The following USP26 variants were observed in gnomAD, a reference collection of about 807,000 sequenced individuals.
USP26 encodes the protein ubiquitin carboxyl-terminal hydrolase 26.
For missense variants in USP26, 649 were observed against 642.3 expected (o/e 1.01, Z -0.11); for synonymous variants, 236 against 240.6 (o/e 0.98, Z 0.18).
rs1198872172 is a variant in USP26 at position 133,057,844 on chromosome X, T to TTATATATATATATATATA, written c.-77+25845_-77+25862dup. On this transcript the variant is annotated intron_variant, in intron 5 of 5. Coordinates refer to ENST00000511190, the MANE Select transcript of USP26 (RefSeq NM_031907.3). The stretch of plus-strand genomic sequence containing the variant: ...TTGGGGTCTGAGAATATACTTTACA[T>TTATATATATATATATATA]TATATATATATATATATATATATTT... Among the ~76,000 whole-genome samples, 74 of 30,648 alleles carry TTATATATATATATATATA rather than the reference T, an allele frequency of 2.4e-3. 2 individuals are homozygous for TTATATATATATATATATA. The highest frequency in any genetic ancestry group is 4.0e-3 in the African/African-American group (15 of 3,723). 26.6% of individuals were successfully genotyped at this position (30,648 alleles called of 115,157 possible).
intron 5 of USP26, among the ~76,000 whole-genome samples, chrX:133,038,305 A>G (rs1226957369): frequency 9.0e-6 from 1 of 111,461 alleles, no homozygotes; most frequent in African/African-American, 3.3e-5. Flanking sequence ...TGGGTTTGTC[A>G]ATAAATAGCT....
chrX:133,077,536 A>C (rs1200035470), intron 5 of USP26, among the ~76,000 whole-genome samples: 1 of 112,196 alleles, frequency 8.9e-6, no homozygotes, highest in Non-Finnish European at 1.9e-5. Flanking sequence ...ACTACAAAGA[A>C]GGCAAAAAGC....
chrX:133,077,474 C>T (rs1379880581), intron 5 of USP26, among the ~76,000 whole-genome samples: 1 of 111,708 alleles, frequency 9.0e-6, no homozygotes, highest in South Asian at 3.8e-4. Context: ...AGCAATAGGA[C>T]CAGAATGGAA....
At chrX:133,050,105 T>C (rs2067453958) in intron 5 of USP26, among the ~76,000 whole-genome samples, 1 of 112,355 alleles carries the variant, frequency 8.9e-6, no homozygotes, top group Admixed American at 9.5e-5. Context: ...TTTGTCCCCC[T>C]CACCATCACC....
At chrX:133,064,725 G>A (rs2067505452) in intron 5 of USP26, among the ~76,000 whole-genome samples, 1 of 111,639 alleles carries the variant, frequency 9.0e-6, no homozygotes, top group African/African-American at 3.3e-5. Context: ...CAGCTACTAA[G>A]CAGTATTAAG....
intron 5 of USP26, among the ~76,000 whole-genome samples, chrX:133,052,483 T>G (rs995236111): frequency 8.9e-6 from 1 of 112,642 alleles, no homozygotes; most frequent in Non-Finnish European, 1.9e-5. Context: ...AATTGGATTT[T>G]TATTCCTATT....
At chrX:133,029,359 A>G (rs1175186143) in intron 5 of USP26, among the ~76,000 whole-genome samples, 2 of 112,595 alleles carry the variant, frequency 1.8e-5, no homozygotes, top group Non-Finnish European at 1.9e-5. Flanking sequence ...ACATAAATTA[A>G]TGAGATTTTT....
intron 1 of USP26, among the ~76,000 whole-genome samples, chrX:133,092,679 C>T (rs1005926144): frequency 9.0e-6 from 1 of 111,627 alleles, no homozygotes; most frequent in African/African-American, 3.3e-5. Context: ...GGCCTAATAC[C>T]TGGATCTAAA....
chrX:133,074,157 G>C, intron 5 of USP26, among the ~76,000 whole-genome samples: 1 of 111,911 alleles, frequency 8.9e-6, no homozygotes, highest in Non-Finnish European at 1.9e-5. Context: ...GAAACATTGG[G>C]AAGTGATCCC....
chrX:133,048,794 C>T (rs1466362795), intron 5 of USP26, among the ~76,000 whole-genome samples: 1 of 111,637 alleles, frequency 9.0e-6, no homozygotes, highest in Non-Finnish European at 1.9e-5. Flanking sequence ...GATCTGCCCG[C>T]CTTGGCCTCC....
rs772635469 is a variant in USP26, at chrX:133,025,755, A to G, written c.2466T>C (p.His822=). 1 of 1,209,424 alleles carries G rather than the reference A, an allele frequency of 8.3e-7. No individual in the cohort carries two copies. The highest frequency in any genetic ancestry group is 1.8e-5 in the South Asian group (1 of 56,943). The change falls in exon 6 of 6, where the codon CAT becomes CAC. Residue 822 remains histidine, a synonymous_variant. Transcript: ENST00000511190. ...ETKRNDDKGD[H]TYRLISVVSH... ...TGACAACACTAATGAGCCGGTAGGT[A>G]TGATCTCCCTTATCATCATTTCTTT...
At position 133,027,290 on chromosome X, in the gene USP26, G is replaced by GT; in HGVS notation, c.930dup (p.Gln311ThrfsTer11). 1 of 1,211,290 alleles carries GT rather than the reference G, an allele frequency of 8.3e-7. No homozygotes were observed. The highest frequency in any genetic ancestry group is 1.1e-6 in the Non-Finnish European group (1 of 894,998). On this transcript the variant is annotated frameshift_variant, in exon 6 of 6. Transcript: ENST00000511190. LOFTEE classifies it low-confidence loss of function (END_TRUNC). The stretch of plus-strand genomic sequence containing the variant: ...AACGATGGGATTGAAAGTAGAGACT[G>GT]TAACACTGCATTCATATAACAGGTG...
chrX:133,093,638 GA>G (rs11327415), intron 1 of USP26, among the ~76,000 whole-genome samples: 38,274 of 105,812 alleles, frequency 0.36, 6,303 homozygotes, highest in Middle Eastern at 0.52. Context: ...GTCCAAAAAA[GA>G]AAAAAAAATC....
chrX:133,077,852 C>T (rs961844168), intron 5 of USP26, among the ~76,000 whole-genome samples: 9 of 111,647 alleles, frequency 8.1e-5, no homozygotes, highest in African/African-American at 1.3e-4. Flanking sequence ...GAGGCCAAGG[C>T]GGGCAGATCA....
intron 5 of USP26, among the ~76,000 whole-genome samples, chrX:133,070,414 G>A (rs761196229): frequency 7.5e-4 from 84 of 111,459 alleles, no homozygotes; most frequent in African/African-American, 2.7e-3. Context: ...GACTCCTCCT[G>A]TTTACTCCTA....
chrX:133,076,595 G>T (rs1477718080), intron 5 of USP26, among the ~76,000 whole-genome samples: 1 of 111,950 alleles, frequency 8.9e-6, no homozygotes, highest in African/African-American at 3.3e-5. Context: ...TTCCAAGATT[G>T]AGTTACAAAA....
intron 5 of USP26, among the ~76,000 whole-genome samples, chrX:133,044,418 C>T (rs142999931): frequency 6.2e-5 from 7 of 113,066 alleles, no homozygotes; most frequent in East Asian, 2.8e-4. Context: ...GCAGTGCTTG[C>T]GGGCCAGCTA....
At chrX:133,083,423 G>GT (rs1482070221) in intron 5 of USP26, among the ~76,000 whole-genome samples, 2 of 95,084 alleles carry the variant, frequency 2.1e-5, no homozygotes, top group Non-Finnish European at 4.1e-5. Flanking sequence ...GACCAGGCGT[G>GT]TAGGGTGACT....
rs190469692 is a variant in USP26 at position 133,044,613 on chromosome X, G to A, written c.-76-16317C>T. Among the ~76,000 whole-genome samples the A allele has an allele frequency of 5.4e-4, 61 of 113,309 alleles. No homozygotes were observed. The East Asian group carries it at 9.9e-3, about 18-fold the overall frequency. On this transcript the variant is annotated intron_variant, in intron 5 of 5. Coordinates refer to ENST00000511190, the MANE Select transcript of USP26 (RefSeq NM_031907.3). ...TTCACACGGCCTTAGCTGCCTCCCCGTGGGGCAGGCTCAGGACCTGCAGCC... is the reference window on the plus strand; with the variant it reads ...TTCACACGGCCTTAGCTGCCTCCCCATGGGGCAGGCTCAGGACCTGCAGCC...
Sources: allele counts gnomAD v4.1 joint callset (sites outside exome capture counted in the v4.1 genomes callset), GRCh38; gene constraint gnomAD v4.1.1; transcripts MANE v1.5; gene names NCBI Gene and HGNC (gene_info 2026-07-23, HGNC 2026-07-21).